The following DIDO1 variants were observed in gnomAD, a reference collection of about 807,000 sequenced individuals.
The protein encoded by DIDO1 is death-inducer obliterator 1.
A neutral mutation model predicts 99.4 loss-of-function variants in DIDO1; 16 were observed. That is an observed-to-expected ratio of 0.16 (90% CI 0.11 to 0.24). The LOEUF (loss-of-function observed/expected upper bound fraction) is 0.24. Ranked by LOEUF, DIDO1 falls within the 10% of genes least tolerant of loss-of-function variation. DIDO1 has a pLI of 1.00. For missense variants in DIDO1, 2,996 were observed against 3,014.0 expected, an observed-to-expected ratio of 0.99 and a Z score of 0.14; for synonymous variants, 1,366 against 1,239.1, an observed-to-expected ratio of 1.10 and a Z score of -2.15.
chr20:62,917,692 T>G (rs2065064003), intron 1 of DIDO1, among the ~76,000 whole-genome samples: 1 of 152,196 alleles, frequency 6.6e-6, no homozygotes, highest in Non-Finnish European at 1.5e-5. Flanking sequence ...AAAAAAGATG[T>G]ATGTTTGCGG....
chr20:62,881,180 C>A lies in DIDO1; in HGVS notation c.4776G>T (p.Glu1592Asp). The change falls in exon 16 of 16, where the codon GAG becomes GAT. Residue 1592 changes from glutamate to aspartate, a missense_variant. Glu to Asp is a conservative substitution (Grantham distance 45). Around this residue, in one of 5 missense-constraint regions of DIDO1, gnomAD observed 1,562 missense variants for 1,412.6 expected, o/e 1.11. Transcript: ENST00000395343. The surrounding 1 kb of genome is among the most constrained non-coding windows in gnomAD (Gnocchi z 8.3). ...CGAGGCCACCCCTGGAAGCATCTCT[C>A]TCGGGCAGGGCACCCTGGGCACCAC... The part of the protein sequence containing the change: ...SARGAQGALP[E>D]RDASRGGLVG... The A allele has an allele frequency of 6.2e-7, 1 of 1,608,418 alleles. No individual in the cohort carries two copies. Among genetic ancestry groups the A allele is most frequent in the Non-Finnish European group, 8.5e-7 (1 of 1,179,442 alleles).
At position 62,894,346 on chromosome 20, in the gene DIDO1, T is replaced by C; in HGVS notation, c.2572+67A>G. 2 of 1,593,140 alleles carry C rather than the reference T, an allele frequency of 1.3e-6. No individual in the cohort carries two copies. The highest frequency in any genetic ancestry group is 1.7e-4 in the Middle Eastern group (1 of 5,968). On this transcript the variant is annotated intron_variant, in intron 11 of 15. Transcript: ENST00000395343. This position sits in a 1 kb window ranked among gnomAD's most constrained non-coding sequence, Gnocchi z 4.4. ...TTACGTGCGGTTGCTTTTAGGAGGTTCAGTGATTTTTAACAAAATCAAGTT... is the reference window on the plus strand; with the variant it reads ...TTACGTGCGGTTGCTTTTAGGAGGTCCAGTGATTTTTAACAAAATCAAGTT...
At chr20:62,912,356 G>C (rs2064961289) in intron 2 of DIDO1, among the ~76,000 whole-genome samples, 1 of 152,086 alleles carries the variant, frequency 6.6e-6, no homozygotes, top group Admixed American at 6.5e-5. Flanking sequence ...CTGAGCTTTG[G>C]AGATATTGTT....
rs536712014 is a variant in DIDO1 at position 62,881,953 on chromosome 20, G to T, written c.4003C>A (p.Pro1335Thr). 3.7e-6 allele frequency: 6 copies of T among 1,613,392 alleles called. No individual in the cohort carries two copies. Among genetic ancestry groups the T allele is most frequent in the Non-Finnish European group, 5.1e-6 (6 of 1,180,034 alleles). The change falls in exon 16 of 16, where the codon CCT becomes ACT. Residue 1335 changes from proline (P) to threonine (T), a missense_variant. Coordinates refer to ENST00000395343, the MANE Select transcript of DIDO1 (RefSeq NM_001193369.2). The surrounding 1 kb of genome is among the most constrained non-coding windows in gnomAD (Gnocchi z 8.3). The part of the protein sequence containing the change: ...KKSFDPSARE[P>T]PGSTAGLPQE... ...GGGAGACCTGCGGTGGACCCGGGAG[G>T]CTCTCTGGCGGACGGGTCGAATGAT...
intron 1 of DIDO1, among the ~76,000 whole-genome samples, chr20:62,922,521 T>A (rs974741519): frequency 3.8e-4 from 58 of 152,024 alleles, no homozygotes; most frequent in African/African-American, 1.3e-3. Context: ...GGGTACAGTG[T>A]ACCAGGCAGT....
chr20:62,891,036 G>T lies in DIDO1; in HGVS notation c.3465C>A (p.His1155Gln). The change falls in exon 15 of 16, where the codon CAC becomes CAA. Residue 1155 changes from histidine (H) to glutamine (Q), a missense_variant. Physicochemically the swap from His to Gln is conservative, Grantham distance 24. Coordinates refer to ENST00000395343, the MANE Select transcript of DIDO1 (RefSeq NM_001193369.2). ...RFGVVANNNR[H>Q]VKDLYLIPLS... ...GCGGGATCAGGTAGAGGTCCTTGAC[G>T]TGCCTGTTGTTATTAGCTACAACAC... 1 of 1,614,196 alleles carries T rather than the reference G, an allele frequency of 6.2e-7. No homozygotes were observed. Among genetic ancestry groups the T allele is most frequent in the Non-Finnish European group, 8.5e-7 (1 of 1,180,048 alleles).
chr20:62,889,776 C>T (rs750562895), intron 15 of DIDO1: 89 of 985,316 alleles, frequency 9.0e-5, no homozygotes, highest in Admixed American at 1.2e-4. Flanking sequence ...TGAGGGGACA[C>T]ACTAAAGCAC....
chr20:62,895,939 C>T lies in DIDO1; in HGVS notation c.2214+294G>A, dbSNP rs544451364. ...GACTTTATTTTGGAGCCCAGTGAAGCGACTGGCTTGTACCTTTACAGCAAT... is the reference window on the plus strand; with the variant it reads ...GACTTTATTTTGGAGCCCAGTGAAGTGACTGGCTTGTACCTTTACAGCAAT... On this transcript the variant is annotated intron_variant, in intron 8 of 15. Transcript: ENST00000395343. Among the ~76,000 whole-genome samples, 8 of 152,294 alleles carry T rather than the reference C, an allele frequency of 5.3e-5. No homozygotes were observed. The East Asian group carries it at 1.3e-3, about 26-fold the overall frequency.
chr20:62,886,342 G>A (rs778924709), intron 15 of DIDO1, among the ~76,000 whole-genome samples: 3 of 152,214 alleles, frequency 2.0e-5, no homozygotes, highest in African/African-American at 4.8e-5. Flanking sequence ...GGCGTACCAC[G>A]TGCAAGCCAA....
upstream of DIDO1, chr20:62,929,103 C>T (rs1568893780): frequency 6.6e-6 from 1 of 152,204 alleles, no homozygotes; most frequent in East Asian, 1.9e-4. Flanking sequence ...CGTTTAAAGC[C>T]GGATTTCGCT....
rs2064210713 is a variant in DIDO1 at position 62,881,739 on chromosome 20, C to T, written c.4217G>A (p.Arg1406Gln). The stretch of plus-strand genomic sequence containing the variant: ...AGGAGCCCTTTCCACCTCGTGGCGC[C>T]GCCCTCGCTCCACAAGCTGAGTGTC... ...AFDTQLVERG[R>Q]RHEVERAPEA... The change falls in exon 16 of 16, where the codon CGG becomes CAG. Residue 1406 changes from arginine to glutamine, a missense_variant. Coordinates refer to ENST00000395343, the MANE Select transcript of DIDO1 (RefSeq NM_001193369.2). This position sits in a 1 kb window ranked among gnomAD's most constrained non-coding sequence, Gnocchi z 8.3. 1.9e-6 allele frequency: 3 copies of T among 1,613,040 alleles called. No individual in the cohort carries two copies. Among genetic ancestry groups the T allele is most frequent in the Non-Finnish European group, 2.5e-6 (3 of 1,180,020 alleles).
At chr20:62,887,880 C>G (rs6011447) in intron 15 of DIDO1, 1 of 985,290 alleles carries the variant, frequency 1.0e-6, no homozygotes, top group Non-Finnish European at 1.2e-6. Flanking sequence ...TGCCCCCCAC[C>G]GTGATGCTGA....
intron 15 of DIDO1, among the ~76,000 whole-genome samples, chr20:62,883,204 G>A (rs986402387): frequency 6.6e-6 from 1 of 151,818 alleles, no homozygotes; most frequent in Non-Finnish European, 1.5e-5. Flanking sequence ...GATTACAGGC[G>A]TAAGCCACCG....
chr20:62,880,678 C>G lies in DIDO1; in HGVS notation c.5278G>C (p.Ala1760Pro). 6.2e-7 allele frequency: 1 copy of G among 1,612,792 alleles called. No individual in the cohort carries two copies. The highest frequency in any genetic ancestry group is 8.5e-7 in the Non-Finnish European group (1 of 1,179,958). ...CCGTGAAGCCCTGACATCCCCAAAG[C>G]ATGAGGTCCAGGTTCCCGCTGACCC... The part of the protein sequence containing the change: ...FQGQREPGPH[A>P]LGMSGLHGPN... The change falls in exon 16 of 16, where the codon GCT (alanine) becomes CCT (proline). Residue 1760 changes from alanine to proline, a missense_variant. Coordinates refer to ENST00000395343, the MANE Select transcript of DIDO1 (RefSeq NM_001193369.2).
At chr20:62,921,135 A>T (rs2065128658) in intron 1 of DIDO1, among the ~76,000 whole-genome samples, 1 of 152,188 alleles carries the variant, frequency 6.6e-6, no homozygotes, top group Non-Finnish European at 1.5e-5. Context: ...ACCTCAGGTG[A>T]TCCGCCCACC....
intron 1 of DIDO1, among the ~76,000 whole-genome samples, chr20:62,924,626 T>TTC (rs1475749577): frequency 6.6e-6 from 1 of 152,128 alleles, no homozygotes; most frequent in East Asian, 1.9e-4. Flanking sequence ...TTCCAATCAT[T>TTC]TCCTCCTTAC....
At chr20:62,900,889 T>C (rs912408407) in intron 6 of DIDO1, among the ~76,000 whole-genome samples, 5 of 152,242 alleles carry the variant, frequency 3.3e-5, no homozygotes, top group African/African-American at 7.2e-5. Context: ...GTGAAGGAAC[T>C]GTGGAAGTAA....
chr20:62,893,032 C>CA (rs1402265959), intron 12 of DIDO1, 70 bp from the exon 13 acceptor site: 1 of 1,266,060 alleles, frequency 7.9e-7, no homozygotes, highest in Non-Finnish European at 1.1e-6. Flanking sequence ...AGTAGAAAGC[C>CA]TTTTTTTTTT....
At chr20:62,936,616 AGCACTTTGGGAGTCCGAGGC>A (rs1373227170) in intron 1 of DIDO1, among the ~76,000 whole-genome samples, 7 of 152,198 alleles carry the variant, frequency 4.6e-5, no homozygotes, top group Non-Finnish European at 1.0e-4. Flanking sequence ...CTGTAATCCC[AGCACTTTGGGAGTCCGAGGC>A]GGGCGGATCA....
Sources: allele counts gnomAD v4.1 joint callset (sites outside exome capture counted in the v4.1 genomes callset), GRCh38; gene constraint gnomAD v4.1.1; regional missense constraint gnomAD v4.1.1; non-coding constraint Gnocchi (gnomAD v3.1); transcripts MANE v1.5; gene names NCBI Gene and HGNC (gene_info 2026-07-23, HGNC 2026-07-21).